The following NELL1 variants were observed in gnomAD, a reference collection of about 807,000 sequenced individuals.
The protein encoded by NELL1 is neural EGFL like 1.
Under a neutral mutation model 107.4 loss-of-function variants are expected in NELL1, and 76 were observed. That is an observed-to-expected ratio of 0.71 (90% CI 0.59 to 0.86). The LOEUF (loss-of-function observed/expected upper bound fraction) is 0.86. Among genes scored for constraint, NELL1 ranks in the 40% least tolerant of loss-of-function variants. The probability of loss-of-function intolerance (pLI) is 0.00; values close to 1 mark genes in which losing one functional copy is unlikely to be tolerated. For synonymous variants in NELL1, 353 were observed against 341.2 expected (o/e 1.03, Z -0.38); for missense variants, 1,024 against 1,005.5 (o/e 1.02, Z -0.25).
At chr11:21,292,026 T>G (rs1051915022) in intron 14 of NELL1, among the ~76,000 whole-genome samples, 1 of 152,188 alleles carries the variant, frequency 6.6e-6, no homozygotes, top group Non-Finnish European at 1.5e-5. Flanking sequence ...AGGACAAGGA[T>G]GCCCTCTCTC....
At chr11:21,094,572 T>A (rs961374871) in intron 12 of NELL1, among the ~76,000 whole-genome samples, 2 of 152,366 alleles carry the variant, frequency 1.3e-5, no homozygotes, top group African/African-American at 4.8e-5. Flanking sequence ...AACTTCTGCA[T>A]GAGCATCCAG....
chr11:21,069,243 C>A (rs1277513020), intron 12 of NELL1, among the ~76,000 whole-genome samples: 1 of 152,134 alleles, frequency 6.6e-6, no homozygotes, highest in Non-Finnish European at 1.5e-5. Context: ...ACCTATGTAA[C>A]AAAGCTGCAC....
At chr11:21,058,491 C>A (rs1853663114) in intron 12 of NELL1, among the ~76,000 whole-genome samples, 1 of 152,058 alleles carries the variant, frequency 6.6e-6, no homozygotes, top group African/African-American at 2.4e-5. Context: ...TCACACTGTG[C>A]ATTTAGATGT....
chr11:21,069,680 T>C (rs1427177383), intron 12 of NELL1, among the ~76,000 whole-genome samples: 1 of 152,200 alleles, frequency 6.6e-6, no homozygotes, highest in African/African-American at 2.4e-5. Flanking sequence ...AGATTTTTGG[T>C]TTGAAGTATT....
At chr11:21,403,380 T>C (rs1348732865) in intron 15 of NELL1, among the ~76,000 whole-genome samples, 2 of 151,662 alleles carry the variant, frequency 1.3e-5, no homozygotes, top group Admixed American at 6.6e-5. Flanking sequence ...ATCCAACCTA[T>C]CTTAAACAAA....
At chr11:20,998,045 G>A (rs1019597972) in intron 12 of NELL1, among the ~76,000 whole-genome samples, 1 of 152,002 alleles carries the variant, frequency 6.6e-6, no homozygotes, top group South Asian at 2.1e-4. Flanking sequence ...AAGCCCACAA[G>A]CAACAAGCAA....
At chr11:21,157,419 C>A (rs1429837006) in intron 13 of NELL1, among the ~76,000 whole-genome samples, 1 of 152,012 alleles carries the variant, frequency 6.6e-6, no homozygotes, top group Non-Finnish European at 1.5e-5. Flanking sequence ...AGCAAGTATT[C>A]AATATTTGTT....
chr11:20,673,884 C>G (rs1415745711), intron 1 of NELL1, among the ~76,000 whole-genome samples: 3 of 151,280 alleles, frequency 2.0e-5, no homozygotes, highest in African/African-American at 7.3e-5. Flanking sequence ...ACATAAGGTT[C>G]AAGACAGCCC....
At chr11:21,091,900 G>A (rs766505356) in intron 12 of NELL1, among the ~76,000 whole-genome samples, 12 of 152,176 alleles carry the variant, frequency 7.9e-5, no homozygotes, top group Non-Finnish European at 1.2e-4. Context: ...AGTCAAGGAC[G>A]TGTACAAGGT....
chr11:20,684,470 T>C (rs1249798495), intron 2 of NELL1, among the ~76,000 whole-genome samples: 2 of 152,078 alleles, frequency 1.3e-5, no homozygotes, highest in East Asian at 1.9e-4. Context: ...GTAAAAAATC[T>C]TCCATGTCTC....
intron 12 of NELL1, among the ~76,000 whole-genome samples, chr11:21,025,771 C>T (rs1852800995): frequency 1.3e-5 from 2 of 152,098 alleles, no homozygotes; most frequent in Admixed American, 6.6e-5. Context: ...CTTTATATCT[C>T]CACTTGACGT....
intron 14 of NELL1, among the ~76,000 whole-genome samples, chr11:21,338,857 G>T (rs61599326): frequency 0.021 from 3,159 of 152,206 alleles, 103 homozygotes; most frequent in African/African-American, 0.072. Flanking sequence ...AGTGATCCAG[G>T]GATGGGCTTT....
chr11:21,266,477 T>A (rs1470082758), intron 14 of NELL1, among the ~76,000 whole-genome samples: 1 of 152,082 alleles, frequency 6.6e-6, no homozygotes, highest in Non-Finnish European at 1.5e-5. Context: ...CCATGAAGCT[T>A]ATCAATGACT....
chr11:21,438,621 T>C (rs1181715896), intron 15 of NELL1, among the ~76,000 whole-genome samples: 1 of 152,124 alleles, frequency 6.6e-6, no homozygotes, highest in Non-Finnish European at 1.5e-5. Context: ...CTTGATCATA[T>C]TGCATATGTC....
chr11:21,532,508 T>C (rs1002490654), intron 15 of NELL1, among the ~76,000 whole-genome samples: 3 of 152,186 alleles, frequency 2.0e-5, no homozygotes, highest in Admixed American at 6.5e-5. Flanking sequence ...AAACTAGGAC[T>C]TTTCCAGGCA....
At chr11:21,171,005 CTACATGCAGG>C (rs1856595896) in intron 13 of NELL1, among the ~76,000 whole-genome samples, 1 of 151,702 alleles carries the variant, frequency 6.6e-6, no homozygotes, top group African/African-American at 2.4e-5. Context: ...AGAGACCATC[CTACATGCAGG>C]TACAGCCTAT....
At chr11:21,420,187 G>T (rs567031500) in intron 15 of NELL1, among the ~76,000 whole-genome samples, 1 of 152,000 alleles carries the variant, frequency 6.6e-6, no homozygotes, top group Admixed American at 6.6e-5. Flanking sequence ...CAACTTTGTC[G>T]CATAACAAGT....
chr11:20,761,945 A>G (rs1856429883), intron 2 of NELL1, among the ~76,000 whole-genome samples: 1 of 152,206 alleles, frequency 6.6e-6, no homozygotes, highest in Admixed American at 6.5e-5. Flanking sequence ...GGGACCTGGT[A>G]GCCTTTGCTA....
intron 14 of NELL1, chr11:21,284,124 C>T: frequency 2.5e-6 from 1 of 406,560 alleles, no homozygotes; most frequent in Non-Finnish European, 5.0e-6. Context: ...AACCGTGTGG[C>T]TTTGAAGAGT....
Sources: gnomAD v4.1 joint callset for allele counts (sites outside exome capture counted in the v4.1 genomes callset) on GRCh38, gnomAD v4.1.1 for gene constraint, MANE v1.5 for transcripts, NCBI Gene and HGNC (gene_info 2026-07-23, HGNC 2026-07-21) for gene names.